GLDN: variants seen among roughly 807,000 people sequenced by gnomAD.
The protein encoded by GLDN is collomin.
A neutral mutation model predicts 56.5 loss-of-function variants in GLDN; 47 were observed. That is an observed-to-expected ratio of 0.83 (90% CI 0.66 to 1.06). GLDN has a LOEUF of 1.06. GLDN is among the 50% of genes least tolerant of loss of function. The pLI is 0.00. For synonymous variants in GLDN, 332 were observed against 278.8 expected (o/e 1.19, Z -1.90); for missense variants, 782 against 714.3 (o/e 1.09, Z -1.08).
intron 9 of GLDN, among the ~76,000 whole-genome samples, chr15:51,403,008 T>C (rs1004375480): frequency 4.6e-5 from 7 of 152,192 alleles, no homozygotes; most frequent in Admixed American, 3.9e-4. Flanking sequence ...GCTGCCATGT[T>C]ATATAGGGCT....
intron 1 of GLDN, among the ~76,000 whole-genome samples, chr15:51,363,234 T>G (rs2037336039): frequency 6.6e-6 from 1 of 152,168 alleles, no homozygotes; most frequent in Non-Finnish European, 1.5e-5. Context: ...TATTCATTAC[T>G]TGGACTTAGG....
At chr15:51,356,067 C>A (rs553109327) in intron 1 of GLDN, among the ~76,000 whole-genome samples, 6 of 151,296 alleles carry the variant, frequency 4.0e-5, no homozygotes, top group Non-Finnish European at 7.4e-5. Flanking sequence ...ATTAGCCGGG[C>A]GTGGTGGTGC....
Position 51,341,921 on chromosome 15 carries a change from G to T in GLDN, c.237G>T (p.Ala79=). ...AGTTGAGCCGCGCGCCGCGCGGGGC[G>T]TCCGCACCACCCCAAGACCCGGCCA... ...LAELSRAPRG[A]SAPPQDPASS... is the part of the protein sequence containing the mutation. The change falls in exon 1 of 10, where the codon GCG becomes GCT. Residue 79 remains alanine (A), a synonymous_variant. Coordinates refer to ENST00000335449, the MANE Select transcript of GLDN (RefSeq NM_181789.4). 1 of 1,595,314 alleles carries T rather than the reference G, an allele frequency of 6.3e-7. No individual in the cohort carries two copies. The highest frequency in any genetic ancestry group is 8.5e-7 in the Non-Finnish European group (1 of 1,178,492).
At chr15:51,359,295 A>T (rs1382586408) in intron 1 of GLDN, among the ~76,000 whole-genome samples, 1 of 152,246 alleles carries the variant, frequency 6.6e-6, no homozygotes. Context: ...TACAGGGATT[A>T]GGACAATCTT....
In GLDN at chr15:51,355,785, AG is replaced by A. The variant is rs34615045; in HGVS notation, c.363+13739del. On this transcript the variant is annotated intron_variant, in intron 1 of 9. Transcript: ENST00000335449. ...TGATCTGCCCACCTTGGCCTCCCAAAGTGCTGGGATTACAGGCGTGAGCCAC... is the reference window on the plus strand; with the variant it reads ...TGATCTGCCCACCTTGGCCTCCCAAATGCTGGGATTACAGGCGTGAGCCAC... Among the ~76,000 whole-genome samples, 2,144 of 149,758 alleles carry A rather than the reference AG, an allele frequency of 0.014. 167 individuals are homozygous for A. In the East Asian group the frequency reaches 0.24, roughly 17 times the overall value.
chr15:51,387,872 A>G (rs2037934251), intron 4 of GLDN, among the ~76,000 whole-genome samples: 1 of 152,210 alleles, frequency 6.6e-6, no homozygotes, highest in African/African-American at 2.4e-5. Flanking sequence ...AGGTCTCCGT[A>G]CACTCAGCTC....
At chr15:51,353,926 G>C (rs760822710) in intron 1 of GLDN, among the ~76,000 whole-genome samples, 1 of 152,100 alleles carries the variant, frequency 6.6e-6, no homozygotes, top group African/African-American at 2.4e-5. Flanking sequence ...AAGCTTTTAG[G>C]TTGTAATTAA....
Position 51,392,909 on chromosome 15 carries a change from T to A in GLDN, c.542-1926T>A, listed in dbSNP as rs2038052857. Among the ~76,000 whole-genome samples, 3 of 152,192 alleles carry A rather than the reference T, an allele frequency of 2.0e-5. No homozygotes were observed. The South Asian group carries it at 6.2e-4, about 32-fold the overall frequency. ...TCATCCTTTCCAATCTGTATGCCTTTTAGTTATTTTTCCTTGCATTATTGC... is the reference window on the plus strand; with the variant it reads ...TCATCCTTTCCAATCTGTATGCCTTATAGTTATTTTTCCTTGCATTATTGC... On this transcript the variant is annotated intron_variant, in intron 4 of 9. Transcript: ENST00000335449.
intron 1 of GLDN, among the ~76,000 whole-genome samples, chr15:51,344,354 A>C (rs1870050): frequency 0.063 from 9,600 of 152,282 alleles, 510 homozygotes; most frequent in East Asian, 0.29. Flanking sequence ...TTGCTTCAGG[A>C]CGAGGAGCCA....
At chr15:51,395,306 G>A (rs935061249) in intron 5 of GLDN, among the ~76,000 whole-genome samples, 3 of 152,112 alleles carry the variant, frequency 2.0e-5, no homozygotes, top group Non-Finnish European at 4.4e-5. Context: ...GGCAACTTAC[G>A]ACACCTCAGA....
Position 51,394,874 on chromosome 15 carries a change from A to G in GLDN, c.581A>G (p.Glu194Gly), listed in dbSNP as rs2038091509. ...GCAGGAAATCCAGGGGAAAGGGGAG[A>G]AAAGGGAGACCATGGTGAACTGGGC... ...GAAGNPGERGEKGDHGELGLQ... is the reference protein window; with the variant it reads ...GAAGNPGERGGKGDHGELGLQ... Residue 194 changes from glutamate to glycine, a missense_variant, in exon 5 of 10, where the codon GAA becomes GGA. Glu to Gly is a moderately conservative substitution (Grantham distance 98, BLOSUM62 -2). Transcript: ENST00000335449. 1.5e-5 allele frequency: 24 copies of G among 1,613,438 alleles called. No individual in the cohort carries two copies. Among genetic ancestry groups the G allele is most frequent in the Non-Finnish European group, 2.0e-5 (24 of 1,179,698 alleles).
rs1196447230 is a variant in GLDN, at chr15:51,407,083, C to G, written c.*2329C>G. 6.6e-6 allele frequency: 1 copy of G among 152,086 alleles called. No individual in the cohort carries two copies. Among genetic ancestry groups the G allele is most frequent in the African/African-American group, 2.4e-5 (1 of 41,404 alleles). The allele number at this position is 152,086 out of a possible 1,614,324, so 9.4% of individuals were successfully genotyped here. Reference sequence around the variant, plus strand: ...AGAAACCTCAGTCTTGATATCTGAGCTATCTGGGCTCCCTTACTTGTGAGT... The same window carrying G: ...AGAAACCTCAGTCTTGATATCTGAGGTATCTGGGCTCCCTTACTTGTGAGT... On this transcript the variant is annotated 3_prime_UTR_variant, in exon 10 of 10. Coordinates refer to ENST00000335449, the MANE Select transcript of GLDN (RefSeq NM_181789.4).
In GLDN at chr15:51,341,891, G is replaced by A; in HGVS notation, c.207G>A (p.Leu69=). Residue 69 remains leucine, a synonymous_variant, in exon 1 of 10, where the codon CTG becomes CTA. Transcript: ENST00000335449. ...AGGACAGTGCCCTGCGCTCCTTCCT[G>A]GCCGAGTTGAGCCGCGCGCCGCGCG... ...QREDSALRSF[L]AELSRAPRGA... 6.3e-7 allele frequency: 1 copy of A among 1,584,216 alleles called. No homozygotes were observed. Among genetic ancestry groups the A allele is most frequent in the African/African-American group, 1.3e-5 (1 of 74,360 alleles).
chr15:51,396,065 A>G (rs1320510973), intron 5 of GLDN, among the ~76,000 whole-genome samples: 1 of 152,164 alleles, frequency 6.6e-6, no homozygotes, highest in Non-Finnish European at 1.5e-5. Context: ...CCCACCTCCA[A>G]CACTGGGGAT....
chr15:51,366,896 A>G (rs893610281), intron 1 of GLDN, among the ~76,000 whole-genome samples: 12 of 152,194 alleles, frequency 7.9e-5, no homozygotes, highest in African/African-American at 2.7e-4. Context: ...AAAAAGTATG[A>G]ATTGAGGATT....
intron 1 of GLDN, among the ~76,000 whole-genome samples, chr15:51,373,331 G>C (rs1300831368): frequency 6.6e-6 from 1 of 152,194 alleles, no homozygotes; most frequent in Admixed American, 6.5e-5. Flanking sequence ...TATATGAAAA[G>C]TCAGCCACCC....
intron 8 of GLDN, 22 bp from the exon 9 acceptor site, chr15:51,401,571 C>A: frequency 1.2e-6 from 2 of 1,604,778 alleles, no homozygotes; most frequent in Non-Finnish European, 1.7e-6. Context: ...GTAACAGCCT[C>A]TCCCTGGCTT....
rs539390318 is a variant in GLDN, at chr15:51,376,937, A to G, written c.364-512A>G. On this transcript the variant is annotated intron_variant, in intron 1 of 9. Coordinates refer to ENST00000335449, the MANE Select transcript of GLDN (RefSeq NM_181789.4). The stretch of plus-strand genomic sequence containing the variant: ...GAAGACCTGCCTAAGGCTGTTTTAC[A>G]GTTAACTTTTTTCTTCTAAGTAGAA... Among the ~76,000 whole-genome samples, 12 of 152,240 alleles carry G rather than the reference A, an allele frequency of 7.9e-5. No homozygotes were observed. In the South Asian group the frequency reaches 2.5e-3, roughly 32 times the overall value.
intron 2 of GLDN, among the ~76,000 whole-genome samples, chr15:51,377,941 T>C (rs986445674): frequency 6.6e-6 from 1 of 152,192 alleles, no homozygotes; most frequent in African/African-American, 2.4e-5. Flanking sequence ...AACATTACCA[T>C]GAGACCTTGA....
Sources: gnomAD v4.1 joint callset for allele counts (sites outside exome capture counted in the v4.1 genomes callset) on GRCh38, gnomAD v4.1.1 for gene constraint, MANE v1.5 for transcripts, NCBI Gene and HGNC (gene_info 2026-07-23, HGNC 2026-07-21) for gene names.